The following AUTS2 variants were observed in gnomAD, a reference collection of about 807,000 sequenced individuals.
AUTS2 encodes autism susceptibility gene 2 protein.
In AUTS2, 17 loss-of-function variants were observed where a neutral mutation model predicts 112.4. The ratio of observed to expected loss-of-function variants is 0.15; its 90% CI spans 0.10 to 0.23. The LOEUF is 0.23. Among genes scored for constraint, AUTS2 ranks in the 10% least tolerant of loss-of-function variants. The pLI is 1.00. For missense variants in AUTS2, 1,510 were observed against 1,701.6 expected (o/e 0.89, Z 1.98); for synonymous variants, 751 against 702.7 (o/e 1.07, Z -1.09).
chr7:70,245,615 G>A (rs563079802), intron 4 of AUTS2, among the ~76,000 whole-genome samples: 1 of 152,246 alleles, frequency 6.6e-6, no homozygotes, highest in East Asian at 1.9e-4. Context: ...TCCATTGTAT[G>A]AATATACTAT....
At chr7:69,895,699 T>A (rs572250736) in intron 1 of AUTS2, among the ~76,000 whole-genome samples, 28 of 152,314 alleles carry the variant, frequency 1.8e-4, no homozygotes, top group Non-Finnish European at 3.5e-4. Flanking sequence ...AATTCCTTGA[T>A]TAATATGCTA....
intron 5 of AUTS2, among the ~76,000 whole-genome samples, chr7:70,441,855 G>A (rs1201444700): frequency 2.6e-5 from 4 of 152,190 alleles, no homozygotes; most frequent in Non-Finnish European, 5.9e-5. Context: ...AGAAACTGCT[G>A]AGATGTCAAA....
chr7:70,441,705 C>T (rs1796129760), intron 5 of AUTS2, among the ~76,000 whole-genome samples: 1 of 152,178 alleles, frequency 6.6e-6, no homozygotes, highest in Non-Finnish European at 1.5e-5. Flanking sequence ...TAAATTCATG[C>T]TAAAAGTTGT....
chr7:70,332,625 A>G (rs928066355), intron 4 of AUTS2, among the ~76,000 whole-genome samples: 1 of 152,196 alleles, frequency 6.6e-6, no homozygotes, highest in Non-Finnish European at 1.5e-5. Flanking sequence ...ATATAGACCA[A>G]TGGAACAGAA....
At chr7:70,069,716 T>TTG (rs1554440707) in intron 2 of AUTS2, among the ~76,000 whole-genome samples, 1 of 151,484 alleles carries the variant, frequency 6.6e-6, no homozygotes, top group African/African-American at 2.4e-5. Context: ...TTGTTTTTTT[T>TTG]TTTTTCCTGT....
At chr7:70,227,279 G>T (rs770459070) in intron 4 of AUTS2, among the ~76,000 whole-genome samples, 13 of 150,416 alleles carry the variant, frequency 8.6e-5, no homozygotes, top group Non-Finnish European at 1.5e-4. Context: ...CTTAGTTTTG[G>T]GCCTACTTTT....
At chr7:70,019,320 T>G (rs977343721) in intron 2 of AUTS2, among the ~76,000 whole-genome samples, 2 of 152,128 alleles carry the variant, frequency 1.3e-5, no homozygotes, top group Non-Finnish European at 1.5e-5. Context: ...GGTACTAGGC[T>G]TAATACCTGG....
At chr7:70,506,185 G>T (rs2116701537) in intron 5 of AUTS2, among the ~76,000 whole-genome samples, 1 of 152,308 alleles carries the variant, frequency 6.6e-6, no homozygotes, top group East Asian at 1.9e-4. Flanking sequence ...ATAACAGAAG[G>T]TAGAAGATTT....
chr7:70,310,376 C>A (rs1172905943), intron 4 of AUTS2, among the ~76,000 whole-genome samples: 1 of 151,940 alleles, frequency 6.6e-6, no homozygotes, highest in Non-Finnish European at 1.5e-5. Context: ...TTTGGGAGGC[C>A]AAGGTGGGCG....
At chr7:70,136,989 C>T (rs946420780) in intron 4 of AUTS2, among the ~76,000 whole-genome samples, 1 of 152,122 alleles carries the variant, frequency 6.6e-6, no homozygotes, top group South Asian at 2.1e-4. Context: ...GCATACACAC[C>T]CTTAGCCAAA....
chr7:70,030,886 A>G (rs1433052747), intron 2 of AUTS2, among the ~76,000 whole-genome samples: 1 of 152,052 alleles, frequency 6.6e-6, no homozygotes, highest in Non-Finnish European at 1.5e-5. Context: ...GGATCCCACT[A>G]TGGCTTGTCT....
At chr7:70,672,334 AG>A (rs2129544159) in intron 5 of AUTS2, among the ~76,000 whole-genome samples, 1 of 152,368 alleles carries the variant, frequency 6.6e-6, no homozygotes, top group East Asian at 1.9e-4. Context: ...GAGAATCCAA[AG>A]AAGGCAATAT....
intron 6 of AUTS2, among the ~76,000 whole-genome samples, chr7:70,747,553 G>A (rs1159834500): frequency 1.3e-5 from 2 of 152,136 alleles, no homozygotes; most frequent in Non-Finnish European, 2.9e-5. Context: ...CCACCTCCCA[G>A]GTACAAGTGA....
At chr7:69,986,242 T>G (rs1234071094) in intron 2 of AUTS2, among the ~76,000 whole-genome samples, 1 of 152,234 alleles carries the variant, frequency 6.6e-6, no homozygotes, top group Non-Finnish European at 1.5e-5. Flanking sequence ...TTATTAACTG[T>G]TACATCCCCA....
At chr7:70,017,281 C>T (rs913476125) in intron 2 of AUTS2, among the ~76,000 whole-genome samples, 1 of 152,060 alleles carries the variant, frequency 6.6e-6, no homozygotes, top group African/African-American at 2.4e-5. Context: ...TCGGGGAAGA[C>T]AGAGGTTGGG....
At chr7:70,371,489 A>G (rs1792835484) in intron 4 of AUTS2, among the ~76,000 whole-genome samples, 1 of 152,246 alleles carries the variant, frequency 6.6e-6, no homozygotes, top group Non-Finnish European at 1.5e-5. Context: ...GTCTTCTCCA[A>G]CTAATGATAG....
At chr7:70,003,957 AAT>A (rs1370002860) in intron 2 of AUTS2, among the ~76,000 whole-genome samples, 1 of 79,234 alleles carries the variant, frequency 1.3e-5, no homozygotes, top group South Asian at 4.0e-4. Flanking sequence ...GTTATATATG[AAT>A]ATATATATTA....
At chr7:69,925,027 A>G (rs1795952696) in intron 2 of AUTS2, among the ~76,000 whole-genome samples, 1 of 152,106 alleles carries the variant, frequency 6.6e-6, no homozygotes, top group Non-Finnish European at 1.5e-5. Flanking sequence ...TTTTCAAGGA[A>G]TTTTTTCATT....
rs375365496 is a variant in AUTS2 at position 69,739,053 on chromosome 7, G to A, written c.309+139091G>A. Reference sequence around the variant, plus strand: ...ATGTTTTATTAGGTTCTGGCCTAGGGGGTTGGTTAGATGGGTGGAGGTTGT... The same window carrying A: ...ATGTTTTATTAGGTTCTGGCCTAGGAGGTTGGTTAGATGGGTGGAGGTTGT... On this transcript the variant is annotated intron_variant, in intron 1 of 18. Transcript: ENST00000342771. Among the ~76,000 whole-genome samples the A allele has an allele frequency of 1.2e-4, 19 of 152,194 alleles. No individual in the cohort carries two copies. The East Asian group carries it at 2.3e-3, about 19-fold the overall frequency.
Sources: gnomAD v4.1 joint callset for allele counts (sites outside exome capture counted in the v4.1 genomes callset) on GRCh38, gnomAD v4.1.1 for gene constraint, MANE v1.5 for transcripts, NCBI Gene and HGNC (gene_info 2026-07-23, HGNC 2026-07-21) for gene names.